Variants in HSH2D observed in about 807,000 individuals in gnomAD.
HSH2D encodes the protein hematopoietic SH2 domain-containing protein.
In HSH2D, 16 loss-of-function variants were observed where a neutral mutation model predicts 21.5. The observed-to-expected ratio is 0.74, with a 90% confidence interval of 0.50 to 1.13. HSH2D has a LOEUF of 1.13. Ranked by LOEUF, HSH2D falls within the 50% of genes most tolerant of loss-of-function variation. The pLI is 0.00. For missense variants in HSH2D, 418 were observed against 441.4 expected (o/e 0.95, Z 0.47); for synonymous variants, 172 against 184.7 (o/e 0.93, Z 0.56).
rs1284375913 is a variant in HSH2D, at chr19:16,157,784, G to C, written c.1049G>C (p.Gly350Ala). 6.3e-7 allele frequency: 1 copy of C among 1,599,004 alleles called. No homozygotes were observed. Among genetic ancestry groups the C allele is most frequent in the Non-Finnish European group, 8.5e-7 (1 of 1,176,154 alleles). Residue 350 changes from glycine (G) to alanine (A), a missense_variant, in exon 6 of 6, where the codon GGG (glycine) becomes GCG (alanine). By Grantham distance (60) the Gly-to-Ala change is moderately conservative (BLOSUM62 0). Transcript: ENST00000613986. The surrounding 1 kb of genome is among the most constrained non-coding windows in gnomAD (Gnocchi z 4.4). ...EYQQPPPFAPGYC is the reference protein window; with the variant it reads ...EYQQPPPFAPAYC ...CAACAACCGCCACCCTTTGCCCCTG[G>C]GTACTGCTAGAGAACAGGTCCACCC...
chr19:16,134,921 T>C (rs1322391319), intron 1 of HSH2D, among the ~76,000 whole-genome samples: 2 of 148,900 alleles, frequency 1.3e-5, no homozygotes, highest in African/African-American at 2.5e-5. Flanking sequence ...CAGTTCAAGT[T>C]AAAGACCATC....
At chr19:16,154,314 T>C in intron 4 of HSH2D, 85 bp from the exon 5 acceptor site, 1 of 819,266 alleles carries the variant, frequency 1.2e-6, no homozygotes. Context: ...ATTCAAGGGA[T>C]GGTCCCTGAG....
chr19:16,135,833 A>G (rs889083722), intron 1 of HSH2D, among the ~76,000 whole-genome samples: 3 of 149,716 alleles, frequency 2.0e-5, no homozygotes, highest in Admixed American at 6.6e-5. Flanking sequence ...CACTCAGCCC[A>G]AAACCTCCAT....
intron 1 of HSH2D, among the ~76,000 whole-genome samples, chr19:16,137,024 CT>C (rs913044067): frequency 6.6e-6 from 1 of 152,190 alleles, no homozygotes; most frequent in African/African-American, 2.4e-5. Flanking sequence ...CTTAACCTCA[CT>C]CTTGTGTGTC....
chr19:16,148,833 A>C lies in HSH2D; in HGVS notation c.83A>C (p.Gln28Pro). 1.2e-6 allele frequency: 2 copies of C among 1,613,764 alleles called. No homozygotes were observed. The highest frequency in any genetic ancestry group is 1.7e-6 in the Non-Finnish European group (2 of 1,179,822). The change falls in exon 2 of 6, where the codon CAA becomes CCA. Residue 28 changes from glutamine to proline, a missense_variant. Physicochemically the swap from Gln to Pro is moderately conservative, Grantham distance 76 (BLOSUM62 -1). Coordinates refer to ENST00000613986, the MANE Select transcript of HSH2D (RefSeq NM_001382417.1). ...FVHTQMGQLAQDGVPEWFHGA... is the reference protein window; with the variant it reads ...FVHTQMGQLAPDGVPEWFHGA... ...CACACCCAGATGGGCCAGCTGGCCC[A>C]AGACGGGGTCCCCGAGTGGTTCCAT...
intron 4 of HSH2D, among the ~76,000 whole-genome samples, chr19:16,154,175 G>A (rs1032694983): frequency 1.0e-4 from 15 of 148,094 alleles, no homozygotes; most frequent in Non-Finnish European, 2.1e-4. Context: ...TCCCAAGAAC[G>A]TGCTATGGGC....
chr19:16,139,137 C>T (rs1002541947), upstream of HSH2D, among the ~76,000 whole-genome samples: 14 of 152,246 alleles, frequency 9.2e-5, no homozygotes, highest in African/African-American at 2.9e-4. Context: ...GGATTACAGG[C>T]ATAAGCCACA....
Position 16,152,595 on chromosome 19 carries a change from C to T in HSH2D, c.169C>T (p.Leu57Phe). 2.6e-6 allele frequency: 4 copies of T among 1,511,738 alleles called. No individual in the cohort carries two copies. The highest frequency in any genetic ancestry group is 3.5e-6 in the Non-Finnish European group (4 of 1,132,394). 93.6% of individuals were successfully genotyped at this position (1,511,738 alleles called of 1,614,324 possible). ...GGAGTCACAGCCACTGGGATCCTTTCTCATCAGGGTCAGTCACAGCCATGT... is the reference window on the plus strand; with the variant it reads ...GGAGTCACAGCCACTGGGATCCTTTTTCATCAGGGTCAGTCACAGCCATGT... ...LLESQPLGSFLIRVSHSHVGY... is the reference protein window; with the variant it reads ...LLESQPLGSFFIRVSHSHVGY... The change falls in exon 3 of 6, where the codon CTC becomes TTC. Residue 57 changes from leucine to phenylalanine, a missense_variant. By Grantham distance (22) the Leu-to-Phe change is conservative. Transcript: ENST00000613986.
rs1384726662 is a variant in HSH2D at position 16,148,880 on chromosome 19, G to A, written c.125+5G>A. 2 of 1,609,368 alleles carry A rather than the reference G, an allele frequency of 1.2e-6. No individual in the cohort carries two copies. The highest frequency in any genetic ancestry group is 8.5e-7 in the Non-Finnish European group (1 of 1,177,362). ...CCATGGTGCAATCTCAAGAGAGTGA[G>A]GACACACCCACACCCTCCACCCTGC... On this transcript the variant is annotated splice_donor_5th_base_variant and intron_variant, in intron 2 of 5. Coordinates refer to ENST00000613986, the MANE Select transcript of HSH2D (RefSeq NM_001382417.1).
Position 16,153,221 on chromosome 19 carries a change from A to G in HSH2D, c.381+13A>G, listed in dbSNP as rs374295346. On this transcript the variant is annotated intron_variant, in intron 4 of 5. Transcript: ENST00000613986. ...GCCCTGCAGGCAGGTGAGGGCGGGGACCCACAAGGTTCACAGCCATTTCCT... is the reference window on the plus strand; with the variant it reads ...GCCCTGCAGGCAGGTGAGGGCGGGGGCCCACAAGGTTCACAGCCATTTCCT... 5.0e-4 allele frequency: 758 copies of G among 1,506,412 alleles called. 4 individuals are homozygous for G. In the African/African-American group the frequency reaches 9.5e-3, roughly 19 times the overall value. 93.3% of individuals were successfully genotyped at this position (1,506,412 alleles called of 1,614,324 possible). A position where few individuals can be genotyped will look rare whatever the true frequency, so the allele number is the denominator to read the frequency against.
intron 1 of HSH2D, among the ~76,000 whole-genome samples, chr19:16,146,148 C>T (rs577481358): frequency 6.6e-6 from 1 of 152,034 alleles, no homozygotes; most frequent in East Asian, 1.9e-4. Context: ...AGATACAATC[C>T]TTTGGCTTGT....
intron 4 of HSH2D, 83 bp from the exon 5 acceptor site, chr19:16,154,316 G>A: frequency 1.2e-6 from 1 of 862,016 alleles, no homozygotes; most frequent in Admixed American, 2.7e-5. Flanking sequence ...TCAAGGGATG[G>A]TCCCTGAGAC....
At chr19:16,143,847 G>T in intron 1 of HSH2D, 73 bp downstream of exon 1, 1 of 333,360 alleles carries the variant, frequency 3.0e-6, no homozygotes. Flanking sequence ...AGGAGGGACA[G>T]GGCTAGTGGG....
chr19:16,137,838 G>A (rs1025182508), intron 1 of HSH2D, among the ~76,000 whole-genome samples: 1 of 152,084 alleles, frequency 6.6e-6, no homozygotes, highest in Admixed American at 6.5e-5. Context: ...GCCTCCCAAA[G>A]TGTTGGGATT....
In HSH2D at chr19:16,157,194, C is replaced by T; in HGVS notation, c.475-16C>T. On this transcript the variant is annotated splice_polypyrimidine_tract_variant and intron_variant, in intron 5 of 5. Coordinates refer to ENST00000613986, the MANE Select transcript of HSH2D (RefSeq NM_001382417.1). This position sits in a 1 kb window ranked among gnomAD's most constrained non-coding sequence, Gnocchi z 4.4. ...GTGGGCAAGCTGCCCCAGGCCTCCC[C>T]TACTCTCATTTTCAGGCCTCCCCAA... 2.6e-6 allele frequency: 4 copies of T among 1,517,716 alleles called. No individual in the cohort carries two copies. The highest frequency in any genetic ancestry group is 1.8e-6 in the Non-Finnish European group (2 of 1,133,462). The allele number at this position is 1,517,716 out of a possible 1,614,324, so 94.0% of individuals were successfully genotyped here. A position where few individuals can be genotyped will look rare whatever the true frequency, so the allele number is the denominator to read the frequency against.
chr19:16,143,605 C>T, upstream of HSH2D: 1 of 316,954 alleles, frequency 3.2e-6, no homozygotes, highest in Non-Finnish European at 6.5e-6. Context: ...GACAGGGTGA[C>T]TTGAGCTGTC....
At position 16,143,724 on chromosome 19, in the gene HSH2D, A is replaced by AG. The variant is rs1257421542; in HGVS notation, c.-76dup. On this transcript the variant is annotated 5_prime_UTR_variant, in exon 1 of 6. Transcript: ENST00000613986. Reference sequence around the variant, plus strand: ...CTTGAATCGAAACCCAGGCTCCTGCAGGCACTGGCACAGCTACAGCGAGGG... The same window carrying AG: ...CTTGAATCGAAACCCAGGCTCCTGCAGGGCACTGGCACAGCTACAGCGAGGG... The AG allele has an allele frequency of 8.8e-6, 4 of 454,230 alleles. No homozygotes were observed. Among genetic ancestry groups the AG allele is most frequent in the Non-Finnish European group, 1.8e-5 (4 of 225,526 alleles). 28.1% of individuals were successfully genotyped at this position (454,230 alleles called of 1,614,324 possible).
At chr19:16,136,500 G>A (rs575842153) in intron 1 of HSH2D, among the ~76,000 whole-genome samples, 1 of 152,098 alleles carries the variant, frequency 6.6e-6, no homozygotes, top group African/African-American at 2.4e-5. Context: ...AGTCCTTGGC[G>A]GAATTTCTTT....
chr19:16,138,703 G>A (rs1369096030), upstream of HSH2D, among the ~76,000 whole-genome samples: 2 of 151,894 alleles, frequency 1.3e-5, no homozygotes, highest in Non-Finnish European at 2.9e-5. Context: ...TGATCTGCCT[G>A]CCTCAGTCTC....
Sources: gnomAD v4.1 joint callset for allele counts (sites outside exome capture counted in the v4.1 genomes callset) on GRCh38, gnomAD v4.1.1 for gene constraint, Gnocchi (gnomAD v3.1) non-coding constraint, MANE v1.5 for transcripts, NCBI Gene and HGNC (gene_info 2026-07-23, HGNC 2026-07-21) for gene names.